The following SFMBT1 variants were observed in gnomAD, a reference collection of about 807,000 sequenced individuals.
The protein encoded by SFMBT1 is scm-like with four MBT domains protein 1.
In SFMBT1, 32 loss-of-function variants were observed where a neutral mutation model predicts 108.7. The ratio of observed to expected loss-of-function variants is 0.29; its 90% confidence interval spans 0.22 to 0.40. The LOEUF (loss-of-function observed/expected upper bound fraction) is 0.40. Among genes scored for constraint, SFMBT1 ranks in the 10% least tolerant of loss-of-function variants. The pLI is 1.00. For synonymous variants in SFMBT1, 348 were observed against 369.5 expected, an observed-to-expected ratio of 0.94 and a Z score of 0.67; for missense variants, 816 against 1,059.6, an observed-to-expected ratio of 0.77 and a Z score of 3.19.
intron 1 of SFMBT1, among the ~76,000 whole-genome samples, chr3:52,979,645 G>A (rs1358156611): frequency 1.3e-5 from 2 of 152,174 alleles, no homozygotes; most frequent in Non-Finnish European, 2.9e-5. Flanking sequence ...GTAACAGAGT[G>A]CTTAAATTAG....
At chr3:52,928,685 T>C (rs899951561) in intron 8 of SFMBT1, among the ~76,000 whole-genome samples, 41 of 143,904 alleles carry the variant, frequency 2.8e-4, no homozygotes, top group East Asian at 1.2e-3. Context: ...CACACACACA[T>C]ATATATATAG....
intron 3 of SFMBT1, among the ~76,000 whole-genome samples, chr3:52,947,978 G>A (rs1038836297): frequency 8.5e-5 from 13 of 152,090 alleles, no homozygotes; most frequent in African/African-American, 2.4e-4. Context: ...CAAGCAATCC[G>A]CCTGCCTCGG....
intron 1 of SFMBT1, among the ~76,000 whole-genome samples, chr3:52,995,035 GAA>G (rs1423086811): frequency 1.6e-5 from 2 of 126,820 alleles, no homozygotes; most frequent in Admixed American, 8.2e-5. Context: ...AAGAAAGCAA[GAA>G]AAAAAAAAGG....
chr3:52,969,671 G>C (rs551911740), intron 1 of SFMBT1, among the ~76,000 whole-genome samples: 1 of 152,268 alleles, frequency 6.6e-6, no homozygotes, highest in African/African-American at 2.4e-5. Flanking sequence ...ATTCAGGATA[G>C]AGTATTACTT....
rs78811884 is a variant in SFMBT1 at position 52,920,562 on chromosome 3, G to A, written c.1347C>T (p.Pro449=). ...CTCGTGCTCGGCGAGGAGTGCTGAG[G>A]GGGTGGCCGTTGGTTTCACACCAGC... ...PLGWCETNGH[P]LSTPRRARVY... The change falls in exon 12 of 21, where the codon CCC becomes CCT. Residue 449 remains proline (P), a synonymous_variant. Transcript: ENST00000394752. 1.4e-3 allele frequency: 2,324 copies of A among 1,613,890 alleles called. 4 individuals are homozygous for A. Among genetic ancestry groups the A allele is most frequent in the Non-Finnish European group, 1.8e-3 (2,076 of 1,179,904 alleles).
At chr3:53,044,568 T>C (rs573709982) in intron 1 of SFMBT1, among the ~76,000 whole-genome samples, 1 of 152,214 alleles carries the variant, frequency 6.6e-6, no homozygotes, top group Non-Finnish European at 1.5e-5. Flanking sequence ...TCTTCCTTCA[T>C]CCTCTCGCCA....
At chr3:53,011,807 T>G (rs917016747) in intron 1 of SFMBT1, among the ~76,000 whole-genome samples, 1 of 152,170 alleles carries the variant, frequency 6.6e-6, no homozygotes. Flanking sequence ...GTGAACTCTG[T>G]GGTAATGAGA....
chr3:53,045,324 G>A (rs1700190905), intron 1 of SFMBT1: 1 of 144,512 alleles, frequency 6.9e-6, no homozygotes, highest in African/African-American at 2.5e-5. Flanking sequence ...GCCCCGCCCG[G>A]AGCGAGCCCG....
At chr3:52,964,021 T>C (rs1026200866) in intron 2 of SFMBT1, among the ~76,000 whole-genome samples, 3 of 152,098 alleles carry the variant, frequency 2.0e-5, no homozygotes, top group Non-Finnish European at 4.4e-5. Flanking sequence ...TTTTGTTTGT[T>C]TGTTTTGTTT....
At chr3:52,913,807 G>A (rs984369284) in intron 14 of SFMBT1, among the ~76,000 whole-genome samples, 190 bp from the exon 15 acceptor site, 7 of 152,140 alleles carry the variant, frequency 4.6e-5, no homozygotes, top group Admixed American at 2.0e-4. Flanking sequence ...TTATCACTCT[G>A]CTGAAATCAA....
In SFMBT1 at chr3:52,930,391, T is replaced by C; in HGVS notation, c.835A>G (p.Met279Val). Reference sequence around the variant, plus strand: ...CAGGGGTCTACAGCTTCCAATTTCATGTTTACAGAGAATGTATGAATGCCA... The same window carrying C: ...CAGGGGTCTACAGCTTCCAATTTCACGTTTACAGAGAATGTATGAATGCCA... The part of the protein sequence containing the change: ...VIGIHTFSVN[M>V]KLEAVDPWSP... Residue 279 changes from methionine to valine, a missense_variant, in exon 8 of 21, where the codon ATG becomes GTG. Met to Val is a conservative substitution (Grantham distance 21). Coordinates refer to ENST00000394752, the MANE Select transcript of SFMBT1 (RefSeq NM_016329.4). 2 of 1,613,664 alleles carry C rather than the reference T, an allele frequency of 1.2e-6. No homozygotes were observed. The highest frequency in any genetic ancestry group is 1.7e-6 in the Non-Finnish European group (2 of 1,179,536).
chr3:53,042,644 G>C (rs1037490743), intron 1 of SFMBT1, among the ~76,000 whole-genome samples: 2 of 152,196 alleles, frequency 1.3e-5, no homozygotes, highest in Admixed American at 6.5e-5. Context: ...TGCCTAGCCA[G>C]CAATCATTTT....
chr3:53,002,401 T>TTAAA (rs1553642360), intron 1 of SFMBT1, among the ~76,000 whole-genome samples: 5 of 106,958 alleles, frequency 4.7e-5, no homozygotes, highest in African/African-American at 1.8e-4. Context: ...TCCGTCTCAA[T>TTAAA]AAAAAAAAAA....
At chr3:52,934,967 C>A in intron 4 of SFMBT1, 66 bp from the exon 5 acceptor site, 2 of 1,269,318 alleles carry the variant, frequency 1.6e-6, no homozygotes, top group South Asian at 1.2e-5. Context: ...AAACCGAAAT[C>A]AGTGGAGATG....
At chr3:52,986,145 G>GAAA (rs34923532) in intron 1 of SFMBT1, among the ~76,000 whole-genome samples, 2 of 130,200 alleles carry the variant, frequency 1.5e-5, no homozygotes, top group South Asian at 2.5e-4. Context: ...TCCGTCTCAG[G>GAAA]AAAAAAAAAA....
At chr3:52,986,732 C>T (rs1027690491) in intron 1 of SFMBT1, among the ~76,000 whole-genome samples, 8 of 132,436 alleles carry the variant, frequency 6.0e-5, no homozygotes, top group South Asian at 4.8e-4. Context: ...ACCGAGATCG[C>T]GCCACTGCAC....
At position 52,943,526 on chromosome 3, in the gene SFMBT1, G is replaced by C; in HGVS notation, c.191C>G (p.Pro64Arg). Residue 64 changes from proline (P) to arginine (R), a missense_variant, in exon 4 of 21, where the codon CCT becomes CGT. Pro to Arg is a moderately radical substitution (Grantham distance 103). Transcript: ENST00000394752. ...MKLEVAVRTD[P>R]ETYWVATVIT... ...AACGGTGGCAACCCAGTAGGTCTCAGGATCTGTTCTCACAGCCACCTCCAG... is the reference window on the plus strand; with the variant it reads ...AACGGTGGCAACCCAGTAGGTCTCACGATCTGTTCTCACAGCCACCTCCAG... 2.5e-6 allele frequency: 4 copies of C among 1,614,156 alleles called. No homozygotes were observed. Among genetic ancestry groups the C allele is most frequent in the Non-Finnish European group, 3.4e-6 (4 of 1,180,010 alleles).
At position 52,969,151 on chromosome 3, in the gene SFMBT1, A is replaced by G. The variant is rs189344360; in HGVS notation, c.-23T>C. ...CATTTCCACAGCATATAGGCAGGCT[A>G]TATCCTCCCAAAACAAAGGAAAGGC... On this transcript the variant is annotated 5_prime_UTR_variant, in exon 2 of 21. Transcript: ENST00000394752. 5.0e-4 allele frequency: 809 copies of G among 1,613,780 alleles called. 4 individuals carry two copies. The African/African-American group carries it at 8.7e-3, about 17-fold the overall frequency.
Position 52,932,063 on chromosome 3 carries a change from T to A in SFMBT1, c.699A>T (p.Ser233=), listed in dbSNP as rs138919397. The A allele has an allele frequency of 6.2e-6, 10 of 1,613,374 alleles. No homozygotes were observed. Among genetic ancestry groups the A allele is most frequent in the Non-Finnish European group, 8.5e-6 (10 of 1,179,714 alleles). The change falls in exon 6 of 21, where the codon TCA becomes TCT. Residue 233 remains serine, a splice_region_variant and synonymous_variant. Transcript: ENST00000394752. ...AQQGYELQPP[S]AIRHLKNEAE... is the part of the protein sequence containing the mutation. Reference sequence around the variant, plus strand: ...GAAAAATGTCCTATTACTCTTCACCTGAAGGGGGCTGAAGCTCATATCCCT... The same window carrying A: ...GAAAAATGTCCTATTACTCTTCACCAGAAGGGGGCTGAAGCTCATATCCCT...
Sources: gnomAD v4.1 joint callset for allele counts (sites outside exome capture counted in the v4.1 genomes callset) on GRCh38, gnomAD v4.1.1 for gene constraint, MANE v1.5 for transcripts, NCBI Gene and HGNC (gene_info 2026-07-23, HGNC 2026-07-21) for gene names.